C12orf42: variants seen among roughly 807,000 people sequenced by gnomAD.
C12orf42 encodes the protein uncharacterized protein C12orf42.
In C12orf42, 25 loss-of-function variants were observed where a neutral mutation model predicts 21.6. The observed-to-expected ratio is 1.16, with a 90% CI of 0.84 to 1.62. The LOEUF (loss-of-function observed/expected upper bound fraction) is 1.62. C12orf42 is among the 40% of genes most tolerant of loss of function. The pLI is 0.00. For missense variants in C12orf42, 483 were observed against 459.3 expected, an observed-to-expected ratio of 1.05 and a Z score of -0.47; for synonymous variants, 174 against 175.0, an observed-to-expected ratio of 0.99 and a Z score of 0.05.
chr12:103,484,872 T>A (rs1377218152), intron 1 of C12orf42, among the ~76,000 whole-genome samples: 1 of 141,462 alleles, frequency 7.1e-6, no homozygotes, highest in African/African-American at 2.6e-5. Context: ...AGTTTTTTTT[T>A]TTTTTTTTTT....
the C12orf42 span, among the ~76,000 whole-genome samples, chr12:103,124,453 GGTT>G: frequency 6.6e-5 from 10 of 152,034 alleles, no homozygotes; most frequent in Non-Finnish European, 1.3e-4. Flanking sequence ...AACCTGGATG[GGTT>G]GTTTATAATT....
At chr12:103,124,700 T>C in the C12orf42 span, among the ~76,000 whole-genome samples, 2 of 152,124 alleles carry the variant, frequency 1.3e-5, no homozygotes, top group Non-Finnish European at 2.9e-5. Context: ...TCTCTGGACA[T>C]TGGCAGCTCC....
chr12:103,394,240 C>T lies in C12orf42; in HGVS notation c.147+7367G>A, dbSNP rs551162359. ...AGAATGAGTTCTGCGCCATGTCATG[C>T]TGAGATGAAGACACTCTATTTCTCA... is the stretch of plus-strand genomic sequence containing the variant. On this transcript the variant is annotated intron_variant, in intron 3 of 5. Coordinates refer to ENST00000548883, the MANE Select transcript of C12orf42 (RefSeq NM_198521.5). 3.6e-4 allele frequency among the ~76,000 whole-genome samples: 55 copies of T among 152,340 alleles called. 1 individual carries two copies. Among genetic ancestry groups the T allele is most frequent in the Admixed American group, 3.6e-3 (55 of 15,300 alleles).
chr12:103,373,594 C>T (rs1164375730), intron 3 of C12orf42, among the ~76,000 whole-genome samples: 1 of 152,196 alleles, frequency 6.6e-6, no homozygotes, highest in Admixed American at 6.5e-5. Context: ...CTAGCAGCAA[C>T]TGTAATTAGA....
At chr12:103,272,841 A>G (rs2035549672) in intron 5 of C12orf42, among the ~76,000 whole-genome samples, 1 of 152,220 alleles carries the variant, frequency 6.6e-6, no homozygotes, top group Non-Finnish European at 1.5e-5. Flanking sequence ...CACAGCAAGA[A>G]GGAATGATCG....
At chr12:103,232,710 C>CA (rs36070550), downstream of C12orf42, among the ~76,000 whole-genome samples, 31,290 of 115,236 alleles carry the variant, frequency 0.27, 4,404 homozygotes, top group East Asian at 0.36. Flanking sequence ...GACTCCGTCT[C>CA]AAAAAAAAAA....
intron 2 of C12orf42, among the ~76,000 whole-genome samples, chr12:103,449,105 A>AGATT (rs1951767951): frequency 6.6e-6 from 1 of 151,798 alleles, no homozygotes; most frequent in South Asian, 2.1e-4. Flanking sequence ...ATAGATAGAT[A>AGATT]GATAGATAGA....
At chr12:103,059,697 G>A in the C12orf42 span, among the ~76,000 whole-genome samples, 24 of 152,122 alleles carry the variant, frequency 1.6e-4, no homozygotes, top group South Asian at 2.9e-3. Flanking sequence ...AATGTAATCC[G>A]TCACATAAAT....
intron 5 of C12orf42, chr12:103,274,025 C>CT: frequency 2.3e-6 from 1 of 439,644 alleles, no homozygotes; most frequent in Non-Finnish European, 4.6e-6. Context: ...TAGTTCCTCT[C>CT]TGCCTTTCAG....
the C12orf42 span, among the ~76,000 whole-genome samples, chr12:103,195,390 A>C: frequency 6.6e-6 from 1 of 152,158 alleles, no homozygotes; most frequent in African/African-American, 2.4e-5. Flanking sequence ...GGAGTGGCTG[A>C]ACTAATTTGC....
At chr12:103,425,968 T>G (rs1338679594) in intron 2 of C12orf42, among the ~76,000 whole-genome samples, 1 of 152,050 alleles carries the variant, frequency 6.6e-6, no homozygotes, top group Non-Finnish European at 1.5e-5. Flanking sequence ...GTCACCAGCA[T>G]CAAAGACCAA....
At chr12:103,506,693 T>C in the C12orf42 span, among the ~76,000 whole-genome samples, 30 of 147,860 alleles carry the variant, frequency 2.0e-4, no homozygotes, top group Admixed American at 1.3e-3. Context: ...AATGTTCCAA[T>C]TGTAAAGTGA....
At chr12:103,417,249 T>C (rs775801395) in intron 2 of C12orf42, among the ~76,000 whole-genome samples, 3 of 152,180 alleles carry the variant, frequency 2.0e-5, no homozygotes, top group Non-Finnish European at 2.9e-5. Context: ...ATGCTGTAAG[T>C]GATTTAAAGG....
Position 103,310,399 on chromosome 12 carries a change from C to T in C12orf42, c.260-4054G>A, listed in dbSNP as rs747825027. On this transcript the variant is annotated intron_variant, in intron 4 of 5. Transcript: ENST00000548883. ...TCTCAGGTATTTCTTTATAGCAATGCACAATAGCCTTTCTGGATTTTCAGG... is the reference window on the plus strand; with the variant it reads ...TCTCAGGTATTTCTTTATAGCAATGTACAATAGCCTTTCTGGATTTTCAGG... Among the ~76,000 whole-genome samples, 4 of 152,156 alleles carry T rather than the reference C, an allele frequency of 2.6e-5. No individual in the cohort carries two copies. The South Asian group carries it at 8.3e-4, about 32-fold the overall frequency.
rs183636944 is a variant in C12orf42 at position 103,282,356 on chromosome 12, T to C, written n.338-5146A>G. Among the ~76,000 whole-genome samples the C allele has an allele frequency of 1.9e-3, 293 of 152,358 alleles. 1 individual carries two copies. Among genetic ancestry groups the C allele is most frequent in the Non-Finnish European group, 3.4e-3 (233 of 68,040 alleles). On this transcript the variant is annotated intron_variant and non_coding_transcript_variant, in intron 4 of 6. Transcript: ENST00000546526. Reference sequence around the variant, plus strand: ...AACAATATTTTGGTCAAAGACAGACTGCTTATATGATGAAGGTCCTCTAAG... The same window carrying C: ...AACAATATTTTGGTCAAAGACAGACCGCTTATATGATGAAGGTCCTCTAAG...
the C12orf42 span, among the ~76,000 whole-genome samples, chr12:103,211,170 T>C: frequency 0.021 from 3,178 of 150,748 alleles, 39 homozygotes; most frequent in South Asian, 0.05. Flanking sequence ...CACCCTCTAT[T>C]TCTAACAGAA....
intron 3 of C12orf42, among the ~76,000 whole-genome samples, chr12:103,372,611 C>A (rs2137992437): frequency 6.6e-6 from 1 of 152,196 alleles, no homozygotes; most frequent in South Asian, 2.1e-4. Flanking sequence ...CACACTCTGA[C>A]CTAAAGAACC....
intron 5 of C12orf42, chr12:103,273,766 G>T: frequency 2.3e-6 from 1 of 442,230 alleles, no homozygotes; most frequent in Non-Finnish European, 4.6e-6. Context: ...AGAAGAGAAA[G>T]AGAAAGAGAA....
chr12:103,074,932 A>G, the C12orf42 span, among the ~76,000 whole-genome samples: 1 of 144,758 alleles, frequency 6.9e-6, no homozygotes, highest in African/African-American at 2.7e-5. Flanking sequence ...CAAAAATAAT[A>G]AAAAAAATTA....
Sources: allele counts gnomAD v4.1 joint callset (sites outside exome capture counted in the v4.1 genomes callset), GRCh38; gene constraint gnomAD v4.1.1; transcripts MANE v1.5; gene names NCBI Gene and HGNC (gene_info 2026-07-23, HGNC 2026-07-21).